PPP1R1C: variants seen among roughly 807,000 people sequenced by gnomAD.
The protein encoded by PPP1R1C is protein phosphatase 1 regulatory subunit 1C.
PPP1R1C carries 15 observed loss-of-function variants against 17.4 expected under a neutral mutation model. The observed-to-expected ratio is 0.86, with a 90% CI of 0.58 to 1.33. The LOEUF is 1.33. PPP1R1C is among the 40% of genes most tolerant of loss of function. The pLI is 0.00. For synonymous variants in PPP1R1C, 35 were observed against 43.1 expected (o/e 0.81, Z 0.73); for missense variants, 143 against 130.0 (o/e 1.10, Z -0.48).
chr2:182,124,699 C>T lies in PPP1R1C; in HGVS notation c.*7-4275C>T, dbSNP rs540437462. ...TCACATGATTTTGCTCTCTGTTTGT[C>T]TATTATTGGTGTATAGGAATGCTTG... On this transcript the variant is annotated intron_variant, in intron 5 of 5. Transcript: ENST00000280295. 5.9e-5 allele frequency among the ~76,000 whole-genome samples: 9 copies of T among 152,100 alleles called. No homozygotes were observed. The South Asian group carries it at 1.7e-3, about 28-fold the overall frequency.
chr2:182,086,423 C>T (rs917229742), intron 4 of PPP1R1C, among the ~76,000 whole-genome samples: 4 of 152,084 alleles, frequency 2.6e-5, no homozygotes, highest in African/African-American at 9.7e-5. Flanking sequence ...AAGATACACT[C>T]ATGCATTGTT....
intron 2 of PPP1R1C, among the ~76,000 whole-genome samples, chr2:181,988,327 G>A (rs188612259): frequency 3.3e-5 from 5 of 152,366 alleles, no homozygotes; most frequent in East Asian, 3.9e-4. Flanking sequence ...ATGACCCAGC[G>A]TTGGCTTCAG....
Position 181,957,755 on chromosome 2 carries a change from C to A in PPP1R1C, n.111+3121C>A, listed in dbSNP as rs567307212. Among the ~76,000 whole-genome samples, 3 of 152,318 alleles carry A rather than the reference C, an allele frequency of 2.0e-5. No homozygotes were observed. The highest frequency in any genetic ancestry group is 4.1e-4 in the South Asian group (2 of 4,828). ...TTCCTTGCAAGGCTTGTACTTTGGA[C>A]TTTTCTGAACACCACGCCTTACCCC... On this transcript the variant is annotated intron_variant and non_coding_transcript_variant, in intron 1 of 5. Transcript: ENST00000464264. The surrounding 1 kb of genome is among the most constrained non-coding windows in gnomAD (Gnocchi z 4.2).
At chr2:182,066,629 C>A (rs1013145898) in intron 4 of PPP1R1C, among the ~76,000 whole-genome samples, 1 of 152,048 alleles carries the variant, frequency 6.6e-6, no homozygotes, top group African/African-American at 2.4e-5. Context: ...TTGTGCTAAC[C>A]ATGAGTCATA....
chr2:182,112,721 G>A (rs1689478337), intron 4 of PPP1R1C, among the ~76,000 whole-genome samples: 1 of 152,078 alleles, frequency 6.6e-6, no homozygotes, highest in African/African-American at 2.4e-5. Context: ...ACCCCACTGA[G>A]ATTCTGCTGA....
chr2:182,096,954 A>G (rs1343481065), intron 4 of PPP1R1C, among the ~76,000 whole-genome samples: 1 of 152,240 alleles, frequency 6.6e-6, no homozygotes, highest in Non-Finnish European at 1.5e-5. Flanking sequence ...ACTTTTAGTC[A>G]GAATCAGGTG....
intron 1 of PPP1R1C, among the ~76,000 whole-genome samples, chr2:181,966,363 G>A (rs1190014987): frequency 1.3e-5 from 2 of 152,162 alleles, no homozygotes; most frequent in Non-Finnish European, 2.9e-5. Context: ...GGTGAAAGTG[G>A]ACATCATGGT....
At chr2:181,964,648 GA>G (rs1287669054) in intron 1 of PPP1R1C, among the ~76,000 whole-genome samples, 4 of 151,838 alleles carry the variant, frequency 2.6e-5, no homozygotes, top group East Asian at 1.9e-4. Context: ...CTGTCTTTTG[GA>G]AAAAAAGCCG....
chr2:181,962,297 C>T lies in PPP1R1C; in HGVS notation n.111+7663C>T. ...CCCGGCCATCCCCGCGGCCAGGTCCCCGGACCCCATGCCACCCCGGAAGCT... is the reference window on the plus strand; with the variant it reads ...CCCGGCCATCCCCGCGGCCAGGTCCTCGGACCCCATGCCACCCCGGAAGCT... On this transcript the variant is annotated intron_variant and non_coding_transcript_variant, in intron 1 of 5. Transcript: ENST00000464264. This position sits in a 1 kb window ranked among gnomAD's most constrained non-coding sequence, Gnocchi z 6.0. The T allele has an allele frequency of 1.3e-6, 1 of 787,180 alleles. No individual in the cohort carries two copies. Among genetic ancestry groups the T allele is most frequent in the Non-Finnish European group, 2.2e-6 (1 of 462,568 alleles). 48.8% of individuals were successfully genotyped at this position (787,180 alleles called of 1,614,324 possible).
downstream of PPP1R1C, among the ~76,000 whole-genome samples, chr2:182,119,684 G>T (rs1212599917): frequency 1.3e-5 from 2 of 152,044 alleles, no homozygotes; most frequent in East Asian, 1.9e-4. Flanking sequence ...TCATGTGTCT[G>T]TTGGCTGCAT....
intron 4 of PPP1R1C, among the ~76,000 whole-genome samples, chr2:182,068,486 A>G (rs2125202904): frequency 6.6e-6 from 1 of 152,306 alleles, no homozygotes; most frequent in South Asian, 2.1e-4. Flanking sequence ...TAAGATGCCT[A>G]GATGTAAAAT....
exon 6 of PPP1R1C, chr2:182,129,193 T>C (rs1689946514): frequency 6.6e-6 from 1 of 152,154 alleles, no homozygotes; most frequent in Non-Finnish European, 1.5e-5. Context: ...TTTTTTCTAA[T>C]AATTTTTATT....
chr2:182,043,562 T>C (rs185017568), intron 2 of PPP1R1C, among the ~76,000 whole-genome samples: 236 of 151,012 alleles, frequency 1.6e-3, no homozygotes, highest in Non-Finnish European at 2.5e-3. Flanking sequence ...CAGCACGCCA[T>C]GTGTAAGCAG....
chr2:181,954,775 C>T (rs1260251537), intron 1 of PPP1R1C: 1 of 152,200 alleles, frequency 6.6e-6, no homozygotes, highest in Non-Finnish European at 1.5e-5. Context: ...TGGTTATGAA[C>T]TCTTTCTATG....
Position 182,021,079 on chromosome 2 carries a change from G to T in PPP1R1C, c.142+33180G>T, listed in dbSNP as rs373887935. On this transcript the variant is annotated intron_variant, in intron 2 of 4. Transcript: ENST00000682840. Reference sequence around the variant, plus strand: ...TGGGTGACTTCTCTTTCTCAATATTGTTGGCTGGTAACCCCTGTCCCTCCT... The same window carrying T: ...TGGGTGACTTCTCTTTCTCAATATTTTTGGCTGGTAACCCCTGTCCCTCCT... 2.6e-5 allele frequency among the ~76,000 whole-genome samples: 4 copies of T among 152,134 alleles called. No individual in the cohort carries two copies. In the South Asian group the frequency reaches 8.3e-4, roughly 32 times the overall value.
intron 4 of PPP1R1C, among the ~76,000 whole-genome samples, chr2:182,065,057 T>G (rs537319381): frequency 6.6e-6 from 1 of 152,236 alleles, no homozygotes; most frequent in South Asian, 2.1e-4. Flanking sequence ...GTTCATTATA[T>G]TTAGTTCTCA....
chr2:181,961,691 A>G lies in PPP1R1C; in HGVS notation n.111+7057A>G, dbSNP rs527919173. ...GACCAGCACTTGTCCAGCTCCTCTC[A>G]GTTCTTTCGAGTCAGCTCATCATAT... is the stretch of plus-strand genomic sequence containing the variant. On this transcript the variant is annotated intron_variant and non_coding_transcript_variant, in intron 1 of 5. Transcript: ENST00000464264. The surrounding 1 kb of genome is among the most constrained non-coding windows in gnomAD (Gnocchi z 5.8). 3.2e-5 allele frequency: 25 copies of G among 775,930 alleles called. No homozygotes were observed. In the East Asian group the frequency reaches 4.6e-4, roughly 14 times the overall value. The allele number at this position is 775,930 out of a possible 1,614,324, so 48.1% of individuals were successfully genotyped here. A position where few individuals can be genotyped will look rare whatever the true frequency, so the allele number is the denominator to read the frequency against.
chr2:181,991,511 A>T (rs930854504), intron 2 of PPP1R1C, among the ~76,000 whole-genome samples: 6 of 152,216 alleles, frequency 3.9e-5, no homozygotes, highest in African/African-American at 1.4e-4. Context: ...AGTCAGGGAA[A>T]GTTTAGTAAC....
At chr2:181,989,522 G>T (rs2125141304) in intron 2 of PPP1R1C, among the ~76,000 whole-genome samples, 1 of 152,250 alleles carries the variant, frequency 6.6e-6, no homozygotes, top group Non-Finnish European at 1.5e-5. Context: ...TTTATAATGT[G>T]ACTAGTCATT....
Sources: allele counts gnomAD v4.1 joint callset (sites outside exome capture counted in the v4.1 genomes callset), GRCh38; gene constraint gnomAD v4.1.1; non-coding constraint Gnocchi (gnomAD v3.1); transcripts MANE v1.5; gene names NCBI Gene and HGNC (gene_info 2026-07-23, HGNC 2026-07-21).